OPCML: variants seen among roughly 807,000 people sequenced by gnomAD.
OPCML encodes the protein opioid binding protein/cell adhesion molecule like, also known as opioid-binding protein/cell adhesion molecule.
In OPCML, 13 loss-of-function variants were observed where a neutral mutation model predicts 37.8. That is an observed-to-expected ratio of 0.34 (90% confidence interval 0.22 to 0.55). The LOEUF is 0.55. Among genes scored for constraint, OPCML ranks in the 20% least tolerant of loss-of-function variants. The pLI, the probability that OPCML is intolerant of heterozygous loss-of-function variation, is 0.91. For synonymous variants in OPCML, 176 were observed against 168.8 expected, an observed-to-expected ratio of 1.04 and a Z score of -0.33; for missense variants, 341 against 435.6, an observed-to-expected ratio of 0.78 and a Z score of 1.93.
rs534150382 is a variant in OPCML at position 132,976,351 on chromosome 11, C to G, written c.62-33341G>C. Among the ~76,000 whole-genome samples the G allele has an allele frequency of 4.6e-4, 70 of 152,256 alleles. No homozygotes were observed. The South Asian group carries it at 0.011, about 23-fold the overall frequency. On this transcript the variant is annotated intron_variant, in intron 1 of 7. Coordinates refer to ENST00000524381, the MANE Select transcript of OPCML (RefSeq NM_001012393.5). The stretch of plus-strand genomic sequence containing the variant: ...TTGATGCTATCTCAGTTCCTGTTCT[C>G]TTAATGAAGTGGTATTTGCTGAAAG...
intron 1 of OPCML, among the ~76,000 whole-genome samples, chr11:133,425,308 C>T (rs1282651782): frequency 6.6e-6 from 1 of 152,164 alleles, no homozygotes; most frequent in African/African-American, 2.4e-5. Context: ...AGGCAGTGGT[C>T]TTCCTTATTA....
intron 1 of OPCML, among the ~76,000 whole-genome samples, chr11:133,463,257 C>A (rs555764100): frequency 6.6e-6 from 1 of 150,776 alleles, no homozygotes; most frequent in African/African-American, 2.4e-5. Flanking sequence ...GAGAGGGAAT[C>A]GGGAAATGAC....
chr11:133,095,966 G>A (rs533704610), intron 1 of OPCML, among the ~76,000 whole-genome samples: 1 of 152,098 alleles, frequency 6.6e-6, no homozygotes, highest in East Asian at 1.9e-4. Flanking sequence ...ATTAAAGGAA[G>A]TTATTTAGAA....
intron 2 of OPCML, among the ~76,000 whole-genome samples, chr11:132,930,139 A>G (rs1030847710): frequency 2.0e-5 from 3 of 152,142 alleles, no homozygotes; most frequent in African/African-American, 7.2e-5. Context: ...CAAAGCAGGC[A>G]GATAGCTTGA....
chr11:133,502,585 G>A (rs1475310583), intron 1 of OPCML, among the ~76,000 whole-genome samples: 1 of 152,214 alleles, frequency 6.6e-6, no homozygotes, highest in Non-Finnish European at 1.5e-5. Context: ...CAGGAAAAAA[G>A]AAACCAAATA....
chr11:133,401,704 A>G (rs1051902405), intron 1 of OPCML, among the ~76,000 whole-genome samples: 4 of 152,198 alleles, frequency 2.6e-5, no homozygotes, highest in Non-Finnish European at 5.9e-5. Context: ...GGACTCAAGA[A>G]TAGCTGAGAA....
chr11:132,494,965 GGAATACA>G (rs1429404736), intron 4 of OPCML, among the ~76,000 whole-genome samples: 3 of 151,682 alleles, frequency 2.0e-5, no homozygotes, highest in Admixed American at 1.3e-4. Context: ...GACCCTACAG[GGAATACA>G]TTTCGACTAC....
intron 1 of OPCML, among the ~76,000 whole-genome samples, chr11:133,261,351 TC>T (rs1367641616): frequency 1.3e-5 from 2 of 152,104 alleles, no homozygotes; most frequent in Non-Finnish European, 2.9e-5. Context: ...GGAATGTCTG[TC>T]CCCCCCATCT....
intron 4 of OPCML, among the ~76,000 whole-genome samples, chr11:132,503,622 T>A (rs1426868588): frequency 6.6e-6 from 1 of 152,218 alleles, no homozygotes; most frequent in Non-Finnish European, 1.5e-5. Flanking sequence ...CATTTATTTA[T>A]AATATCTCAA....
chr11:133,422,711 C>G, intron 1 of OPCML: 1 of 982,880 alleles, frequency 1.0e-6, no homozygotes, highest in Non-Finnish European at 1.2e-6. Context: ...CAAACACTCT[C>G]AAACTTTCTC....
chr11:133,059,008 T>C (rs191874356), intron 1 of OPCML, among the ~76,000 whole-genome samples: 2 of 152,338 alleles, frequency 1.3e-5, no homozygotes, highest in East Asian at 1.9e-4. Context: ...TTCAGGCTTA[T>C]GGTAACTTTG....
intron 1 of OPCML, among the ~76,000 whole-genome samples, chr11:133,123,899 T>C (rs1197031847): frequency 6.6e-6 from 1 of 152,010 alleles, no homozygotes; most frequent in Non-Finnish European, 1.5e-5. Flanking sequence ...AAGGAGGAAG[T>C]GGGATATACT....
At chr11:132,758,631 G>A (rs564961824) in intron 2 of OPCML, among the ~76,000 whole-genome samples, 1 of 152,218 alleles carries the variant, frequency 6.6e-6, no homozygotes, top group African/African-American at 2.4e-5. Context: ...GAATGCTTGT[G>A]GTTTTTGCAC....
chr11:132,550,732 C>T (rs1184643286), intron 3 of OPCML, among the ~76,000 whole-genome samples: 1 of 152,208 alleles, frequency 6.6e-6, no homozygotes. Context: ...ACGGTTTTCA[C>T]CCACTACTGC....
chr11:133,256,195 T>A (rs2136445365), intron 1 of OPCML, among the ~76,000 whole-genome samples: 1 of 152,342 alleles, frequency 6.6e-6, no homozygotes, highest in East Asian at 1.9e-4. Context: ...GCCATTGCAG[T>A]GATGAAGTAT....
At chr11:133,278,613 G>A (rs1004843352) in intron 1 of OPCML, among the ~76,000 whole-genome samples, 1 of 151,946 alleles carries the variant, frequency 6.6e-6, no homozygotes, top group Non-Finnish European at 1.5e-5. Flanking sequence ...TGAGATGAGA[G>A]GCTATACTAC....
intron 3 of OPCML, among the ~76,000 whole-genome samples, chr11:132,577,996 A>G (rs890556601): frequency 2.6e-5 from 4 of 152,164 alleles, no homozygotes; most frequent in African/African-American, 9.7e-5. Flanking sequence ...GTTACTATAT[A>G]TGTAGATGCA....
intron 2 of OPCML, among the ~76,000 whole-genome samples, chr11:132,716,085 G>A (rs1944464524): frequency 6.6e-6 from 1 of 152,196 alleles, no homozygotes; most frequent in South Asian, 2.1e-4. Flanking sequence ...TATCACCAAA[G>A]GAAAGAAAGA....
In OPCML at chr11:133,396,041, G is replaced by C. The variant is rs144252050; in HGVS notation, c.61+136223C>G. ...CATGGAATATGCTTCCATTTTCTGT[G>C]TGTCCTTTTCAATGTCTTTCGCCAG... On this transcript the variant is annotated intron_variant, in intron 1 of 7. Coordinates refer to ENST00000524381, the MANE Select transcript of OPCML (RefSeq NM_001012393.5). Among the ~76,000 whole-genome samples, 289 of 152,186 alleles carry C rather than the reference G, an allele frequency of 1.9e-3. 1 individual carries two copies. The highest frequency in any genetic ancestry group is 5.9e-3 in the African/African-American group (247 of 41,542).
Sources: gnomAD v4.1 joint callset for allele counts (sites outside exome capture counted in the v4.1 genomes callset) on GRCh38, gnomAD v4.1.1 for gene constraint, MANE v1.5 for transcripts, NCBI Gene and HGNC (gene_info 2026-07-23, HGNC 2026-07-21) for gene names.